The following ADGB variants were observed in gnomAD, a reference collection of about 807,000 sequenced individuals.
ADGB encodes calpain-7-like protein.
Under a neutral mutation model 210.5 loss-of-function variants are expected in ADGB, and 172 were observed. The ratio of observed to expected loss-of-function variants is 0.82; its 90% confidence interval spans 0.72 to 0.93. The LOEUF (loss-of-function observed/expected upper bound fraction) is 0.93. ADGB is among the 40% of genes least tolerant of loss of function. ADGB has a pLI of 0.00. For synonymous variants in ADGB, 658 were observed against 662.7 expected, an observed-to-expected ratio of 0.99 and a Z score of 0.11; for missense variants, 2,025 against 1,964.8, an observed-to-expected ratio of 1.03 and a Z score of -0.58.
chr6:146,700,184 G>C (rs903730615), intron 12 of ADGB, among the ~76,000 whole-genome samples: 56 of 152,194 alleles, frequency 3.7e-4, no homozygotes, highest in African/African-American at 1.4e-3. Context: ...ACAACTTTCT[G>C]TCTTAGGAAC....
intron 1 of ADGB, among the ~76,000 whole-genome samples, chr6:146,628,663 C>T (rs1200124665): frequency 2.6e-5 from 4 of 151,880 alleles, no homozygotes; most frequent in African/African-American, 9.7e-5. Flanking sequence ...GTCTCGTATG[C>T]TGTTCTTTTC....
chr6:146,782,374 T>A lies in ADGB; in HGVS notation c.4035+182T>A, dbSNP rs115169639. ...CCTCAAGCTCCCTTTTCTAGTTCAG[T>A]ATCAAAAACTATCAATTAAACCTTT... On this transcript the variant is annotated intron_variant, in intron 30 of 35. Coordinates refer to ENST00000397944, the MANE Select transcript of ADGB (RefSeq NM_024694.4). 4.9e-3 allele frequency among the ~76,000 whole-genome samples: 748 copies of A among 152,312 alleles called. 2 individuals carry two copies. The highest frequency in any genetic ancestry group is 0.017 in the African/African-American group (703 of 41,572).
chr6:146,784,624 A>T lies in ADGB; in HGVS notation c.4042A>T (p.Thr1348Ser). Residue 1348 changes from threonine (T) to serine (S), a missense_variant, in exon 31 of 36, where the codon ACT (threonine) becomes TCT (serine). Coordinates refer to ENST00000397944, the MANE Select transcript of ADGB (RefSeq NM_024694.4). ...QAPRFEPQIS[T>S]VHPQQEDPNK... ...AAGGTTTTTATTTTATCAGATATCC[A>T]CTGTTCACCCTCAACAAGAAGACCC... is the stretch of plus-strand genomic sequence containing the variant. 1 of 1,539,850 alleles carries T rather than the reference A, an allele frequency of 6.5e-7. No individual in the cohort carries two copies. The highest frequency in any genetic ancestry group is 8.8e-7 in the Non-Finnish European group (1 of 1,142,518).
chr6:146,803,110 G>A, intron 35 of ADGB: 1 of 1,489,316 alleles, frequency 6.7e-7, no homozygotes, highest in South Asian at 1.1e-5. Flanking sequence ...CAATTGGTGA[G>A]CACAGGAAGG....
intron 26 of ADGB, among the ~76,000 whole-genome samples, chr6:146,750,079 T>G (rs1318649289): frequency 6.6e-6 from 1 of 152,178 alleles, no homozygotes; most frequent in Non-Finnish European, 1.5e-5. Flanking sequence ...GAGAGTTGTC[T>G]GCTTCCACTC....
At chr6:146,759,366 C>T (rs560859457) in intron 27 of ADGB, among the ~76,000 whole-genome samples, 329 of 151,660 alleles carry the variant, frequency 2.2e-3, no homozygotes, top group African/African-American at 7.0e-3. Flanking sequence ...TATACTAATA[C>T]TTATGGTATA....
chr6:146,618,471 T>A (rs1239415771), intron 1 of ADGB, among the ~76,000 whole-genome samples: 1 of 152,052 alleles, frequency 6.6e-6, no homozygotes, highest in South Asian at 2.1e-4. Context: ...TATTTGGTCT[T>A]TCTACTTTTT....
At chr6:146,728,429 A>G in intron 19 of ADGB, 145 bp from the exon 20 acceptor site, 1 of 868,712 alleles carries the variant, frequency 1.2e-6, no homozygotes, top group Non-Finnish European at 1.7e-6. Context: ...TACAGAATTT[A>G]GTAAAGCTAC....
chr6:146,673,245 C>T (rs1398405184), intron 8 of ADGB, among the ~76,000 whole-genome samples: 3 of 152,132 alleles, frequency 2.0e-5, no homozygotes, highest in African/African-American at 7.2e-5. Context: ...AGTATTGGGA[C>T]ATCTGGACAT....
chr6:146,732,280 G>A (rs1653263623), intron 20 of ADGB, among the ~76,000 whole-genome samples: 1 of 152,142 alleles, frequency 6.6e-6, no homozygotes, highest in Non-Finnish European at 1.5e-5. Flanking sequence ...GCTGAAGCAG[G>A]AGTCAATTCT....
chr6:146,776,715 A>G (rs562552831), intron 29 of ADGB, among the ~76,000 whole-genome samples: 3 of 152,184 alleles, frequency 2.0e-5, no homozygotes, highest in Non-Finnish European at 4.4e-5. Context: ...TTCATGGGGC[A>G]GCTTGAGATT....
At chr6:146,709,459 A>G (rs1776626002) in intron 13 of ADGB, among the ~76,000 whole-genome samples, 1 of 152,198 alleles carries the variant, frequency 6.6e-6, no homozygotes, top group Non-Finnish European at 1.5e-5. Context: ...AGGCTGGTCT[A>G]GTGCCTAGAT....
chr6:146,788,449 G>T lies in ADGB; in HGVS notation c.4376G>T (p.Ser1459Ile). 1 of 1,551,590 alleles carries T rather than the reference G, an allele frequency of 6.4e-7. No homozygotes were observed. The highest frequency in any genetic ancestry group is 1.4e-5 in the African/African-American group (1 of 73,122). ...PNSKNSAGSESKEMTQTGSGS... is the reference protein window; with the variant it reads ...PNSKNSAGSEIKEMTQTGSGS... ...TCAAAGAATTCTGCAGGTTCAGAGA[G>T]CAAAGAGATGACACAAACAGGATCA... The change falls in exon 33 of 36, where the codon AGC becomes ATC. Residue 1459 changes from serine to isoleucine, a missense_variant. Physicochemically the swap from Ser to Ile is moderately radical, Grantham distance 142 (BLOSUM62 -2). Coordinates refer to ENST00000397944, the MANE Select transcript of ADGB (RefSeq NM_024694.4).
At chr6:146,706,845 G>GTTTTTTTTTTTT (rs34520729) in intron 13 of ADGB, among the ~76,000 whole-genome samples, 1 of 100,736 alleles carries the variant, frequency 9.9e-6, no homozygotes, top group East Asian at 3.1e-4. Context: ...TCAGCTTAGT[G>GTTTTTTTTTTTT]TTTTTTTTTT....
chr6:146,724,429 C>T, intron 18 of ADGB, 102 bp downstream of exon 18: 17 of 1,228,386 alleles, frequency 1.4e-5, no homozygotes, highest in Non-Finnish European at 1.8e-5. Context: ...GACATTGTTT[C>T]TCAAAGCAAT....
intron 26 of ADGB, among the ~76,000 whole-genome samples, chr6:146,751,890 A>G (rs1777328479): frequency 6.6e-6 from 1 of 152,166 alleles, no homozygotes; most frequent in African/African-American, 2.4e-5. Context: ...GATGATAATA[A>G]AAGTTCTATT....
In ADGB at chr6:146,764,147, C is replaced by T. The variant is rs1359155005; in HGVS notation, c.3750+47C>T. On this transcript the variant is annotated intron_variant, in intron 28 of 35. Coordinates refer to ENST00000397944, the MANE Select transcript of ADGB (RefSeq NM_024694.4). ...AATTGGACTGTTCCTAAAACCCTAA[C>T]ATAAAACAAAACAATCATTTCCCTA... 4.2e-6 allele frequency: 6 copies of T among 1,436,080 alleles called. No individual in the cohort carries two copies. In the South Asian group the frequency reaches 5.5e-5, roughly 13 times the overall value. The allele number at this position is 1,436,080 out of a possible 1,614,324, so 89.0% of individuals were successfully genotyped here. A position where few individuals can be genotyped will look rare whatever the true frequency, so the allele number is the denominator to read the frequency against.
intron 5 of ADGB, among the ~76,000 whole-genome samples, chr6:146,663,099 G>T (rs1775886156): frequency 7.3e-6 from 1 of 137,046 alleles, no homozygotes; most frequent in African/African-American, 2.7e-5. Flanking sequence ...ATATAAATAT[G>T]TAATTATAGT....
At chr6:146,784,062 T>C (rs189075455) in intron 30 of ADGB, among the ~76,000 whole-genome samples, 1 of 152,326 alleles carries the variant, frequency 6.6e-6, no homozygotes, top group African/African-American at 2.4e-5. Context: ...AGTTATAACA[T>C]TCAGTGAGTT....
Sources: gnomAD v4.1 joint callset for allele counts (sites outside exome capture counted in the v4.1 genomes callset) on GRCh38, gnomAD v4.1.1 for gene constraint, MANE v1.5 for transcripts, NCBI Gene and HGNC (gene_info 2026-07-23, HGNC 2026-07-21) for gene names.